The following RNF130 variants were observed in gnomAD, a reference collection of about 807,000 sequenced individuals.
RNF130 encodes ring finger protein 130.
A neutral mutation model predicts 44.6 loss-of-function variants in RNF130; 21 were observed. That is an observed-to-expected ratio of 0.47 (90% CI 0.33 to 0.68). The LOEUF (loss-of-function observed/expected upper bound fraction) is 0.68, where lower values mean the gene tolerates loss of function less well. RNF130 is among the 30% of genes least tolerant of loss of function. RNF130 has a pLI of 0.02. For synonymous variants in RNF130, 214 were observed against 210.4 expected (o/e 1.02, Z -0.15); for missense variants, 479 against 560.6 (o/e 0.85, Z 1.47).
exon 8 of RNF130, chr5:179,911,731 G>A (rs902554887): frequency 1.3e-5 from 2 of 152,130 alleles, no homozygotes; most frequent in Non-Finnish European, 2.9e-5. Context: ...TGGCATATAG[G>A]TATATACCAT....
Position 179,967,008 on chromosome 5 carries a change from C to A in RNF130, c.948G>T (p.Pro316=), listed in dbSNP as rs577094030. ...CTACGTTATCAGTACATGGCAAATT[C>A]GGCTGCAAAATATTTCCAGGTTAAA... ...LNILKALGIV[P]NLPCTDNVAF... The change falls in exon 7 of 9, where the codon CCG becomes CCT. Residue 316 remains proline, a splice_region_variant and synonymous_variant. Coordinates refer to ENST00000521389, the MANE Select transcript of RNF130 (RefSeq NM_018434.6). The A allele has an allele frequency of 1.2e-6, 2 of 1,610,352 alleles. No homozygotes were observed. The highest frequency in any genetic ancestry group is 1.1e-5 in the South Asian group (1 of 90,198).
chr5:179,971,402 C>T (rs1011895858), intron 5 of RNF130, among the ~76,000 whole-genome samples: 13 of 152,208 alleles, frequency 8.5e-5, no homozygotes, highest in African/African-American at 3.1e-4. Context: ...CGGAGTCTTG[C>T]TCTGTCGCCC....
chr5:180,045,381 G>C (rs1023345708), intron 1 of RNF130, among the ~76,000 whole-genome samples: 1 of 152,116 alleles, frequency 6.6e-6, no homozygotes, highest in Non-Finnish European at 1.5e-5. Context: ...TGGTGGGTTC[G>C]TGGTCTCACT....
intron 7 of RNF130, among the ~76,000 whole-genome samples, chr5:179,938,918 A>C (rs1242386135): frequency 6.6e-6 from 1 of 152,160 alleles, no homozygotes; most frequent in African/African-American, 2.4e-5. Flanking sequence ...CTACCACTAA[A>C]GAGTCAAGGA....
chr5:180,071,553 G>A lies in RNF130; in HGVS notation c.150C>T (p.Ala50=), dbSNP rs745644319. The stretch of plus-strand genomic sequence containing the variant: ...CGCGGTCGATGCGAAACGTGAGCGG[G>A]GCGCCGCGGCCGGGCTCCTGCACCG... ...NVTVQEPGRG[A]PLTFRIDRGR... is the part of the protein sequence containing the mutation. Residue 50 remains alanine, a synonymous_variant, in exon 1 of 9, where the codon GCC becomes GCT. Transcript: ENST00000521389. 1 of 1,423,204 alleles carries A rather than the reference G, an allele frequency of 7.0e-7. No individual in the cohort carries two copies. Among genetic ancestry groups the A allele is most frequent in the South Asian group, 1.6e-5 (1 of 63,322 alleles). The allele number at this position is 1,423,204 out of a possible 1,614,324, so 88.2% of individuals were successfully genotyped here. A position where few individuals can be genotyped will look rare whatever the true frequency, so the allele number is the denominator to read the frequency against.
At chr5:179,942,227 T>G (rs532717356) in intron 7 of RNF130, among the ~76,000 whole-genome samples, 1 of 109,256 alleles carries the variant, frequency 9.2e-6, no homozygotes, top group Non-Finnish European at 2.0e-5. Flanking sequence ...TAACCAGCAG[T>G]TGTTATTTCT....
At chr5:180,018,132 T>C (rs1346272141) in intron 2 of RNF130, among the ~76,000 whole-genome samples, 2 of 151,838 alleles carry the variant, frequency 1.3e-5, no homozygotes, top group Non-Finnish European at 1.5e-5. Context: ...CCATCTCTAC[T>C]AAAAATACAA....
intron 2 of RNF130, among the ~76,000 whole-genome samples, chr5:180,030,950 A>G (rs1324433174): frequency 6.6e-6 from 1 of 152,158 alleles, no homozygotes; most frequent in Non-Finnish European, 1.5e-5. Flanking sequence ...CATCCCTGAA[A>G]TAACAAGACC....
At chr5:180,018,162 G>C (rs1278056833) in intron 2 of RNF130, among the ~76,000 whole-genome samples, 2 of 152,082 alleles carry the variant, frequency 1.3e-5, no homozygotes, top group African/African-American at 4.8e-5. Context: ...GGGTGTGGTG[G>C]CAGGCGCCTG....
At chr5:180,065,617 G>C (rs1026808449) in intron 1 of RNF130, among the ~76,000 whole-genome samples, 1 of 152,118 alleles carries the variant, frequency 6.6e-6, no homozygotes, top group African/African-American at 2.4e-5. Context: ...AAAATTAGCT[G>C]GGTGTGGTGG....
At chr5:180,058,038 T>C (rs10051694) in intron 1 of RNF130, among the ~76,000 whole-genome samples, 121,574 of 152,142 alleles carry the variant, frequency 0.8, 48,790 homozygotes, top group South Asian at 0.93. Flanking sequence ...ATGTTGAAAA[T>C]CCACACATTT....
chr5:180,044,544 C>T (rs1764510621), intron 1 of RNF130, among the ~76,000 whole-genome samples: 1 of 152,080 alleles, frequency 6.6e-6, no homozygotes, highest in South Asian at 2.1e-4. Context: ...CTTAAAGAGC[C>T]TCCACATGGC....
intron 3 of RNF130, among the ~76,000 whole-genome samples, chr5:179,995,427 G>A (rs747199854): frequency 3.3e-5 from 5 of 152,158 alleles, no homozygotes; most frequent in Non-Finnish European, 5.9e-5. Flanking sequence ...CTGGCTGTGT[G>A]GGCCCCTTTC....
chr5:179,985,319 A>G (rs1364244910), intron 3 of RNF130, among the ~76,000 whole-genome samples: 1 of 152,082 alleles, frequency 6.6e-6, no homozygotes, highest in Non-Finnish European at 1.5e-5. Context: ...TAATAATGAC[A>G]TCTTCAACAG....
At chr5:180,001,307 A>G (rs1763331389) in intron 3 of RNF130, among the ~76,000 whole-genome samples, 1 of 152,116 alleles carries the variant, frequency 6.6e-6, no homozygotes, top group African/African-American at 2.4e-5. Flanking sequence ...GATGTTACCC[A>G]CAAGCAGCTG....
intron 3 of RNF130, among the ~76,000 whole-genome samples, chr5:179,987,870 T>C (rs1452510852): frequency 6.6e-6 from 1 of 152,238 alleles, no homozygotes; most frequent in Non-Finnish European, 1.5e-5. Context: ...TCACTTTGCT[T>C]CGTACTGGGT....
Position 179,997,150 on chromosome 5 carries a change from A to C in RNF130, c.693+15911T>G, listed in dbSNP as rs1251305824. Among the ~76,000 whole-genome samples the C allele has an allele frequency of 4.0e-5, 6 of 151,542 alleles. No homozygotes were observed. In the South Asian group the frequency reaches 1.0e-3, roughly 26 times the overall value. On this transcript the variant is annotated intron_variant, in intron 3 of 8. Transcript: ENST00000521389. ...GTTTTTTAGTCTTTTTTAAAATTTT[A>C]TTTCTTTTGGAGACAGGGTCTTGCT... is the stretch of plus-strand genomic sequence containing the variant.
Position 180,071,560 on chromosome 5 carries a change from C to T in RNF130, c.143G>A (p.Arg48His). ...GATGCGAAACGTGAGCGGGGCGCCG[C>T]GGCCGGGCTCCTGCACCGTCACGTT... ...LINVTVQEPG[R>H]GAPLTFRIDR... Residue 48 changes from arginine (R) to histidine (H), a missense_variant, in exon 1 of 9, where the codon CGC becomes CAC. By Grantham distance (29) the Arg-to-His change is conservative. Around this residue, in one of 3 missense-constraint regions of RNF130, gnomAD observed 138 missense variants for 126.9 expected, o/e 1.09. Transcript: ENST00000521389. 7.0e-7 allele frequency: 1 copy of T among 1,436,272 alleles called. No homozygotes were observed. Among genetic ancestry groups the T allele is most frequent in the Non-Finnish European group, 9.2e-7 (1 of 1,087,438 alleles). 89.0% of individuals were successfully genotyped at this position (1,436,272 alleles called of 1,614,324 possible). A position where few individuals can be genotyped will look rare whatever the true frequency, so the allele number is the denominator to read the frequency against.
At chr5:179,970,959 A>G (rs1214554438) in intron 5 of RNF130, among the ~76,000 whole-genome samples, 1 of 152,218 alleles carries the variant, frequency 6.6e-6, no homozygotes, top group African/African-American at 2.4e-5. Flanking sequence ...TTAAAACATC[A>G]TTTTTAAAAA....
Sources: allele counts gnomAD v4.1 joint callset (sites outside exome capture counted in the v4.1 genomes callset), GRCh38; gene constraint gnomAD v4.1.1; regional missense constraint gnomAD v4.1.1; transcripts MANE v1.5; gene names NCBI Gene and HGNC (gene_info 2026-07-23, HGNC 2026-07-21).